FOXP3: variants seen among roughly 807,000 people sequenced by gnomAD.
FOXP3 encodes the protein forkhead box protein P3.
In FOXP3, 5 loss-of-function variants were observed where a neutral mutation model predicts 31.2. The ratio of observed to expected loss-of-function variants is 0.16; its 90% confidence interval spans 0.08 to 0.34. The LOEUF (loss-of-function observed/expected upper bound fraction) is 0.34. Ranked by LOEUF, FOXP3 falls within the 10% of genes least tolerant of loss-of-function variation. The probability of loss-of-function intolerance (pLI) is 1.00; values close to 1 mark genes in which losing one functional copy is unlikely to be tolerated. For missense variants in FOXP3, 251 were observed against 363.0 expected (o/e 0.69, Z 2.51); for synonymous variants, 141 against 148.8 (o/e 0.95, Z 0.38).
chrX:49,257,890 T>C, intron 2 of FOXP3, 122 bp from the exon 3 acceptor site: 3 of 556,271 alleles, frequency 5.4e-6, no homozygotes, highest in Non-Finnish European at 8.8e-6. Context: ...TTTACACGTA[T>C]GGAAACTGAG....
intron 1 of FOXP3, among the ~76,000 whole-genome samples, chrX:49,264,187 GTC>G (rs1171530640): frequency 5.4e-5 from 6 of 111,107 alleles, no homozygotes; most frequent in Admixed American, 1.9e-4. Flanking sequence ...GGGAAAGAGA[GTC>G]TGAGTGTAGC....
rs1602687924 is a variant in FOXP3, at chrX:49,258,570, C to T, written c.-22-43G>A. On this transcript the variant is annotated intron_variant, in intron 1 of 11. Transcript: ENST00000376207. Reference sequence around the variant, plus strand: ...GAAAGGAGTCACACGTGTGCTAGGGCGGTATGAGATACTCGACCACCTGAG... The same window carrying T: ...GAAAGGAGTCACACGTGTGCTAGGGTGGTATGAGATACTCGACCACCTGAG... 24 of 1,019,932 alleles carry T rather than the reference C, an allele frequency of 2.4e-5. No individual in the cohort carries two copies. The East Asian group carries it at 4.1e-4, about 17-fold the overall frequency. The allele number at this position is 1,019,932 out of a possible 1,213,427, so 84.1% of individuals were successfully genotyped here.
intron 6 of FOXP3, among the ~76,000 whole-genome samples, chrX:49,256,224 G>GAGAGAA (rs2066070505): frequency 2.5e-4 from 1 of 3,963 alleles, no homozygotes; most frequent in Non-Finnish European, 9.1e-4. Context: ...GAGAGAAAGA[G>GAGAGAA]AGAGAGAGAG....
In FOXP3 at chrX:49,255,526, A is replaced by G; in HGVS notation, c.736-17T>C. The G allele has an allele frequency of 8.4e-7, 1 of 1,183,909 alleles. No individual in the cohort carries two copies. The highest frequency in any genetic ancestry group is 1.9e-5 in the South Asian group (1 of 53,975). ...CAGCACCAGCTGTGAAATGGCACAA[A>G]CATGAGGCCTCAGCCTGGCCCTTCT... On this transcript the variant is annotated splice_polypyrimidine_tract_variant and intron_variant, in intron 7 of 11. Coordinates refer to ENST00000376207, the MANE Select transcript of FOXP3 (RefSeq NM_014009.4).
In FOXP3 at chrX:49,256,962, A is replaced by G. The variant is rs1237648287; in HGVS notation, c.505T>C (p.Cys169Arg). The G allele has an allele frequency of 1.7e-6, 2 of 1,210,137 alleles. No homozygotes were observed. Among genetic ancestry groups the G allele is most frequent in the African/African-American group, 1.7e-5 (1 of 57,348 alleles). Residue 169 changes from cysteine (C) to arginine (R), a missense_variant, in exon 5 of 12, where the codon TGC becomes CGC. Cys to Arg is a radical substitution (Grantham distance 180). This residue lies in a region of FOXP3 where 152 missense variants were observed against 188.1 expected (regional missense o/e 0.81). Coordinates refer to ENST00000376207, the MANE Select transcript of FOXP3 (RefSeq NM_014009.4). ...GGTGCACTGGGATTTGGGAAGGTGC[A>G]GAGCAGTGCCGGCTCCCTGGACACC... The part of the protein sequence containing the change: ...EWVSREPALL[C>R]TFPNPSAPRK...
intron 1 of FOXP3, among the ~76,000 whole-genome samples, chrX:49,262,832 T>C (rs2066118013): frequency 1.8e-5 from 2 of 111,221 alleles, no homozygotes; most frequent in Admixed American, 1.9e-4. Context: ...TTAACCTCTA[T>C]AGTAAATGGA....
intron 1 of FOXP3, among the ~76,000 whole-genome samples, chrX:49,258,929 G>A (rs1169819938): frequency 8.9e-6 from 1 of 112,292 alleles, no homozygotes; most frequent in Non-Finnish European, 1.9e-5. Context: ...AGCTGGTCTC[G>A]GACTTTCTCC....
At position 49,255,790 on chromosome X, in the gene FOXP3, C is replaced by T. The variant is rs782332766; in HGVS notation, c.660G>A (p.Ala220=). 1.2e-5 allele frequency: 14 copies of T among 1,206,175 alleles called. No homozygotes were observed. Among genetic ancestry groups the T allele is most frequent in the South Asian group, 5.4e-5 (3 of 55,831 alleles). ...EPEDFLKHCQ[A]DHLLDEKGRA... ...TGCCCTTCTCATCCAGAAGATGGTC[C>T]GCCTGGCAGTGCCTAAGTAGGGAGA... Residue 220 remains alanine, a synonymous_variant, in exon 7 of 12, where the codon GCG becomes GCA. Coordinates refer to ENST00000376207, the MANE Select transcript of FOXP3 (RefSeq NM_014009.4).
intron 1 of FOXP3, 39 bp downstream of exon 1, chrX:49,264,622 T>G: frequency 1.4e-6 from 1 of 737,243 alleles, no homozygotes; most frequent in Non-Finnish European, 1.6e-6. Flanking sequence ...TCTCCTCCAA[T>G]GGGGCCCACA....
At chrX:49,259,855 C>G (rs1250838537) in intron 1 of FOXP3, among the ~76,000 whole-genome samples, 1 of 111,623 alleles carries the variant, frequency 9.0e-6, no homozygotes, top group Non-Finnish European at 1.9e-5. Context: ...TATAAACTCT[C>G]TGGTGTGTGT....
intron 1 of FOXP3, among the ~76,000 whole-genome samples, chrX:49,259,850 A>G (rs2066099648): frequency 9.1e-6 from 1 of 109,522 alleles, no homozygotes; most frequent in African/African-American, 3.3e-5. Context: ...CATTTTATAA[A>G]CTCTCTGGTG....
intron 9 of FOXP3, among the ~76,000 whole-genome samples, chrX:49,253,714 G>A (rs1452202002): frequency 1.8e-5 from 2 of 112,119 alleles, no homozygotes; most frequent in African/African-American, 6.5e-5. Flanking sequence ...CGACACTCGA[G>A]ACCATATGGG....
In FOXP3 at chrX:49,256,995, G is replaced by T; in HGVS notation, c.472C>A (p.Leu158Met). Residue 158 changes from leucine to methionine, a missense_variant, in exon 5 of 12, where the codon CTG (leucine) becomes ATG (methionine). Physicochemically the swap from Leu to Met is conservative, Grantham distance 15 (BLOSUM62 2). Transcript: ENST00000376207. Reference protein sequence around the residue: ...GLPPGINVASLEWVSREPALL... With the variant: ...GLPPGINVASMEWVSREPALL... ...GCCGGCTCCCTGGACACCCATTCCA[G>T]GCTGGCCACGTTGATCCCTGTGGGT... 8.3e-7 allele frequency: 1 copy of T among 1,209,610 alleles called. No homozygotes were observed. The highest frequency in any genetic ancestry group is 1.8e-5 in the South Asian group (1 of 56,681).
intron 1 of FOXP3, among the ~76,000 whole-genome samples, chrX:49,264,427 C>T (rs1407659813): frequency 8.9e-6 from 1 of 112,502 alleles, no homozygotes; most frequent in Non-Finnish European, 1.9e-5. Context: ...TATCCATCTA[C>T]GTATCAATTG....
At chrX:49,255,298 G>A in intron 8 of FOXP3, 131 bp downstream of exon 8, 1 of 580,048 alleles carries the variant, frequency 1.7e-6, no homozygotes, top group Non-Finnish European at 2.9e-6. Context: ...GTCTGGGCAT[G>A]TTTGGAGCTG....
intron 10 of FOXP3, among the ~76,000 whole-genome samples, chrX:49,252,573 G>A (rs988569410): frequency 4.5e-5 from 5 of 110,225 alleles, no homozygotes; most frequent in African/African-American, 1.7e-4. Flanking sequence ...TAGGATGAAG[G>A]TTCTGAGAAG....
intron 1 of FOXP3, among the ~76,000 whole-genome samples, chrX:49,259,468 C>A (rs1287003792): frequency 9.1e-6 from 1 of 109,954 alleles, no homozygotes; most frequent in Non-Finnish European, 1.9e-5. Flanking sequence ...GCTTCTCTAC[C>A]CAGCCCCCAT....
intron 1 of FOXP3, among the ~76,000 whole-genome samples, chrX:49,260,831 C>T (rs2066105642): frequency 8.8e-6 from 1 of 113,088 alleles, no homozygotes; most frequent in Non-Finnish European, 1.9e-5. Flanking sequence ...TTCATCGACA[C>T]CACGGAGGAA....
intron 2 of FOXP3, among the ~76,000 whole-genome samples, chrX:49,258,042 G>T (rs2066085798): frequency 8.9e-6 from 1 of 112,190 alleles, no homozygotes; most frequent in Non-Finnish European, 1.9e-5. Context: ...ATGCTCATGG[G>T]ACTACAATAC....
Sources: gnomAD v4.1 joint callset for allele counts (sites outside exome capture counted in the v4.1 genomes callset) on GRCh38, gnomAD v4.1.1 for gene constraint, gnomAD v4.1.1 regional missense constraint, MANE v1.5 for transcripts, NCBI Gene and HGNC (gene_info 2026-07-23, HGNC 2026-07-21) for gene names.